The following COL23A1 variants were observed in gnomAD, a reference collection of about 807,000 sequenced individuals.
The protein encoded by COL23A1 is collagen alpha-1(XXIII) chain.
In COL23A1, 97 loss-of-function variants were observed where a neutral mutation model predicts 99.3. The observed-to-expected ratio is 0.98, with a 90% CI of 0.83 to 1.16. The LOEUF is 1.16. Among genes scored for constraint, COL23A1 ranks in the 50% most tolerant of loss-of-function variants. The pLI is 0.00. For synonymous variants in COL23A1, 320 were observed against 308.2 expected, an observed-to-expected ratio of 1.04 and a Z score of -0.40; for missense variants, 762 against 757.4, an observed-to-expected ratio of 1.01 and a Z score of -0.07.
In COL23A1 at chr5:178,383,586, G is replaced by T. The variant is rs146385510; in HGVS notation, c.362-76667C>A. 2.7e-3 allele frequency among the ~76,000 whole-genome samples: 406 copies of T among 152,354 alleles called. 4 individuals are homozygous for T. The highest frequency in any genetic ancestry group is 9.4e-3 in the African/African-American group (392 of 41,578). On this transcript the variant is annotated intron_variant, in intron 2 of 28. Coordinates refer to ENST00000390654, the MANE Select transcript of COL23A1 (RefSeq NM_173465.4). ...GAAGACTGTCCCGTTGTTTCTTGGG[G>T]AGGTGGGCTTGGGGTTGGAGAAGCC...
At position 178,250,061 on chromosome 5, in the gene COL23A1, C is replaced by G; in HGVS notation, c.1059G>C (p.Lys353Asn). 2 of 1,613,740 alleles carry G rather than the reference C, an allele frequency of 1.2e-6. No homozygotes were observed. Among genetic ancestry groups the G allele is most frequent in the Non-Finnish European group, 1.7e-6 (2 of 1,179,850 alleles). ...LPGAPGIDGE[K>N]GPKGQKGDPG... ...CCAAGGAAATGAAAGGCCCAGAGAC[C>G]TTCTCTCCATCGATTCCTGGGGCAC... is the stretch of plus-strand genomic sequence containing the variant. Residue 353 changes from lysine to asparagine, a missense_variant and splice_region_variant, in exon 18 of 29, where the codon AAG (lysine) becomes AAC (asparagine). By Grantham distance (94) the Lys-to-Asn change is moderately conservative. Coordinates refer to ENST00000390654, the MANE Select transcript of COL23A1 (RefSeq NM_173465.4).
intron 2 of COL23A1, among the ~76,000 whole-genome samples, chr5:178,337,752 C>T (rs1164573851): frequency 2.0e-5 from 3 of 151,962 alleles, no homozygotes; most frequent in South Asian, 2.1e-4. Context: ...CTTCCTGGCA[C>T]GAAAGCATCA....
chr5:178,392,110 T>C (rs1362420208), intron 2 of COL23A1, among the ~76,000 whole-genome samples: 1 of 135,062 alleles, frequency 7.4e-6, no homozygotes. Context: ...GTAATAGGAG[T>C]GTCTGCTATT....
intron 8 of COL23A1, among the ~76,000 whole-genome samples, chr5:178,266,585 A>G (rs1288689767): frequency 6.6e-6 from 1 of 152,140 alleles, no homozygotes; most frequent in Non-Finnish European, 1.5e-5. Context: ...AGCAAGCAGA[A>G]GGATTTTTCT....
chr5:178,297,228 GT>G (rs1427472931), intron 3 of COL23A1, among the ~76,000 whole-genome samples: 5 of 152,252 alleles, frequency 3.3e-5, no homozygotes, highest in Non-Finnish European at 7.3e-5. Flanking sequence ...ATCCAAAGAT[GT>G]CAAAGACAAG....
chr5:178,469,366 C>G (rs1449734367), intron 2 of COL23A1, among the ~76,000 whole-genome samples: 1 of 152,190 alleles, frequency 6.6e-6, no homozygotes, highest in Non-Finnish European at 1.5e-5. Context: ...CCGTCCATCC[C>G]TCCCTGGTCC....
intron 2 of COL23A1, among the ~76,000 whole-genome samples, chr5:178,357,418 T>C (rs911367198): frequency 7.2e-5 from 11 of 152,196 alleles, no homozygotes; most frequent in Non-Finnish European, 8.8e-5. Flanking sequence ...GAACTCACAA[T>C]GAAATCAGGC....
intron 2 of COL23A1, among the ~76,000 whole-genome samples, chr5:178,473,628 AT>A (rs998141526): frequency 6.6e-6 from 1 of 152,070 alleles, no homozygotes; most frequent in South Asian, 2.1e-4. Flanking sequence ...GCATCTCTGG[AT>A]TTGGGTACCT....
At chr5:178,270,444 C>T in intron 5 of COL23A1, 81 bp from the exon 6 acceptor site, 1 of 1,545,690 alleles carries the variant, frequency 6.5e-7, no homozygotes, top group Non-Finnish European at 8.9e-7. Context: ...GTGCACTATT[C>T]AGTGACAAGA....
chr5:178,496,623 T>C (rs1758214591), intron 2 of COL23A1, among the ~76,000 whole-genome samples: 1 of 152,234 alleles, frequency 6.6e-6, no homozygotes, highest in African/African-American at 2.4e-5. Flanking sequence ...TAGGTAGATA[T>C]GCTATAAATG....
intron 2 of COL23A1, among the ~76,000 whole-genome samples, chr5:178,316,048 T>C (rs1438827340): frequency 6.6e-6 from 1 of 152,208 alleles, no homozygotes; most frequent in Non-Finnish European, 1.5e-5. Flanking sequence ...CTTCTGAAGC[T>C]GTGTGAAGAA....
intron 25 of COL23A1, among the ~76,000 whole-genome samples, chr5:178,242,826 CT>C (rs1764480397): frequency 6.6e-6 from 1 of 152,358 alleles, no homozygotes; most frequent in African/African-American, 2.4e-5. Context: ...ATTCATCTAT[CT>C]GTCCGTCCAC....
chr5:178,316,567 A>G (rs1317407188), intron 2 of COL23A1, among the ~76,000 whole-genome samples: 1 of 152,184 alleles, frequency 6.6e-6, no homozygotes, highest in African/African-American at 2.4e-5. Flanking sequence ...GATTTTTTTC[A>G]CTTACTAAGA....
At position 178,249,058 on chromosome 5, in the gene COL23A1, C is replaced by T. The variant is rs923457901; in HGVS notation, c.1149+59G>A. Reference sequence around the variant, plus strand: ...GCCTCCCCACAGCACGGGGGGCACACAGTCACCTCAGGGCTTCCACACAGG... The same window carrying T: ...GCCTCCCCACAGCACGGGGGGCACATAGTCACCTCAGGGCTTCCACACAGG... On this transcript the variant is annotated intron_variant, in intron 19 of 28. Coordinates refer to ENST00000390654, the MANE Select transcript of COL23A1 (RefSeq NM_173465.4). 49 of 1,557,576 alleles carry T rather than the reference C, an allele frequency of 3.1e-5. No individual in the cohort carries two copies. In the East Asian group the frequency reaches 6.7e-4, roughly 21 times the overall value.
At position 178,255,214 on chromosome 5, in the gene COL23A1, C is replaced by A. The variant is rs1025595092; in HGVS notation, c.883-188G>T. On this transcript the variant is annotated intron_variant, in intron 15 of 28. Coordinates refer to ENST00000390654, the MANE Select transcript of COL23A1 (RefSeq NM_173465.4). This position sits in a 1 kb window ranked among gnomAD's most constrained non-coding sequence, Gnocchi z 4.2. Reference sequence around the variant, plus strand: ...GCAGGCCCTGTGGCCAGCTGAGAGACCTGTTTCCACCTGGTCTGAGGGGCG... The same window carrying A: ...GCAGGCCCTGTGGCCAGCTGAGAGAACTGTTTCCACCTGGTCTGAGGGGCG... 1.3e-5 allele frequency among the ~76,000 whole-genome samples: 2 copies of A among 152,008 alleles called. No individual in the cohort carries two copies. The highest frequency in any genetic ancestry group is 2.9e-5 in the Non-Finnish European group (2 of 67,986).
At position 178,492,322 on chromosome 5, in the gene COL23A1, G is replaced by A. The variant is rs370691750; in HGVS notation, c.361+68360C>T. On this transcript the variant is annotated intron_variant, in intron 2 of 28. Coordinates refer to ENST00000390654, the MANE Select transcript of COL23A1 (RefSeq NM_173465.4). ...GGTCAAAGGAGGGAGTATGGGCAGC[G>A]CCTACCCCAACGGGACCAGTGTCCT... Among the ~76,000 whole-genome samples the A allele has an allele frequency of 2.8e-4, 43 of 152,184 alleles. 1 individual carries two copies. The highest frequency in any genetic ancestry group is 3.9e-4 in the African/African-American group (16 of 41,512).
intron 2 of COL23A1, among the ~76,000 whole-genome samples, chr5:178,334,441 AC>A (rs1760211275): frequency 6.6e-6 from 1 of 152,208 alleles, no homozygotes; most frequent in Non-Finnish European, 1.5e-5. Flanking sequence ...GGCACAGGCC[AC>A]CCTCTTCGTG....
intron 2 of COL23A1, among the ~76,000 whole-genome samples, chr5:178,507,187 G>T (rs1460994255): frequency 6.6e-6 from 1 of 152,046 alleles, no homozygotes; most frequent in Admixed American, 6.6e-5. Flanking sequence ...TCTGCACCTG[G>T]GCTCCTCCAG....
At chr5:178,506,347 G>A (rs1185144157) in intron 2 of COL23A1, among the ~76,000 whole-genome samples, 1 of 152,234 alleles carries the variant, frequency 6.6e-6, no homozygotes, top group Non-Finnish European at 1.5e-5. Flanking sequence ...CACCAGGGCA[G>A]CAGCTGGTGC....
Sources: gnomAD v4.1 joint callset for allele counts (sites outside exome capture counted in the v4.1 genomes callset) on GRCh38, gnomAD v4.1.1 for gene constraint, Gnocchi (gnomAD v3.1) non-coding constraint, MANE v1.5 for transcripts, NCBI Gene and HGNC (gene_info 2026-07-23, HGNC 2026-07-21) for gene names.